The following DBF4B variants were observed in gnomAD, a reference collection of about 807,000 sequenced individuals.
The protein encoded by DBF4B is DBF4B-CDC7 kinase regulatory subunit.
DBF4B carries 49 observed loss-of-function variants against 53.4 expected under a neutral mutation model. That is an observed-to-expected ratio of 0.92 (90% CI 0.73 to 1.16). DBF4B has a LOEUF of 1.16. Ranked by LOEUF, DBF4B falls within the 50% of genes most tolerant of loss-of-function variation. DBF4B has a pLI of 0.00. For missense variants in DBF4B, 692 were observed against 775.0 expected (o/e 0.89, Z 1.27); for synonymous variants, 257 against 288.7 (o/e 0.89, Z 1.11).
chr17:44,720,885 ATC>A (rs1555674572), intron 2 of DBF4B, among the ~76,000 whole-genome samples: 1 of 150,812 alleles, frequency 6.6e-6, no homozygotes, highest in Non-Finnish European at 1.5e-5. Flanking sequence ...TTTTAAGTCA[ATC>A]TCGCTTGGTT....
At position 44,747,527 on chromosome 17, in the gene DBF4B, G is replaced by A. The variant is rs372942845; in HGVS notation, c.1064+12G>A. The A allele has an allele frequency of 1.4e-5, 23 of 1,612,964 alleles. No individual in the cohort carries two copies. Among genetic ancestry groups the A allele is most frequent in the Middle Eastern group, 1.6e-4 (1 of 6,082 alleles). Reference sequence around the variant, plus strand: ...GCTGGCCTCCCCAGGTGAGTGCCACGCTGGCAGGCACAACTGTGTCTGCTC... The same window carrying A: ...GCTGGCCTCCCCAGGTGAGTGCCACACTGGCAGGCACAACTGTGTCTGCTC... On this transcript the variant is annotated intron_variant, in intron 12 of 13. Transcript: ENST00000315005.
At chr17:44,722,789 T>C (rs1973961824) in intron 2 of DBF4B, 91 bp from the exon 3 acceptor site, 4 of 1,435,486 alleles carry the variant, frequency 2.8e-6, no homozygotes, top group African/African-American at 1.4e-5. Flanking sequence ...TGTGCTATTA[T>C]AGCACACAGA....
chr17:44,720,790 G>A (rs937229594), intron 2 of DBF4B, among the ~76,000 whole-genome samples: 3 of 151,726 alleles, frequency 2.0e-5, no homozygotes, highest in African/African-American at 4.8e-5. Context: ...GTGACTGCAC[G>A]ATTCCACATT....
At chr17:44,718,448 A>G (rs1359329700) in intron 2 of DBF4B, among the ~76,000 whole-genome samples, 2 of 151,146 alleles carry the variant, frequency 1.3e-5, no homozygotes, top group South Asian at 2.1e-4. Context: ...AAGGTTACAT[A>G]TTGCCTTTAA....
intron 7 of DBF4B, among the ~76,000 whole-genome samples, chr17:44,735,676 G>GA (rs1046940359): frequency 2.6e-5 from 4 of 151,308 alleles, no homozygotes; most frequent in Admixed American, 6.6e-5. Context: ...TCAAAAAAAA[G>GA]AAAAAAAAAT....
Position 44,749,118 on chromosome 17 carries a change from G to A in DBF4B, c.1189+653G>A, listed in dbSNP as rs1348006843. 16 of 1,289,576 alleles carry A rather than the reference G, an allele frequency of 1.2e-5. No homozygotes were observed. Among genetic ancestry groups the A allele is most frequent in the Non-Finnish European group, 1.5e-5 (15 of 988,806 alleles). The allele number at this position is 1,289,576 out of a possible 1,614,324, so 79.9% of individuals were successfully genotyped here. A position where few individuals can be genotyped will look rare whatever the true frequency, so the allele number is the denominator to read the frequency against. On this transcript the variant is annotated intron_variant, in intron 13 of 13. Transcript: ENST00000315005. This position sits in a 1 kb window ranked among gnomAD's most constrained non-coding sequence, Gnocchi z 4.4. ...CTCCCCTGTACTCAGCTACCAGTGT[G>A]CAGCCCTCGGGAGCACCTGTAGAGA...
At position 44,741,432 on chromosome 17, in the gene DBF4B, G is replaced by A. The variant is rs1976011891; in HGVS notation, c.810G>A (p.Leu270=). The change falls in exon 10 of 14, where the codon CTG becomes CTA. Residue 270 remains leucine, a synonymous_variant. Coordinates refer to ENST00000315005, the MANE Select transcript of DBF4B (RefSeq NM_145663.3). ...DASPFEAPTT[L]GSMHHTRESK... ...GTCCCTTTGAGGCCCCGACGACCCT[G>A]GGCAGCATGCACCATACCAGGTGGG... The A allele has an allele frequency of 6.2e-7, 1 of 1,611,580 alleles. No individual in the cohort carries two copies. Among genetic ancestry groups the A allele is most frequent in the South Asian group, 1.1e-5 (1 of 90,750 alleles).
chr17:44,743,088 C>T (rs923394507), intron 10 of DBF4B, among the ~76,000 whole-genome samples: 2 of 152,156 alleles, frequency 1.3e-5, no homozygotes, highest in Non-Finnish European at 2.9e-5. Context: ...GAGGTTAAGT[C>T]CCAATACAAG....
chr17:44,745,879 T>C (rs1296991419), intron 10 of DBF4B, among the ~76,000 whole-genome samples: 1 of 151,902 alleles, frequency 6.6e-6, no homozygotes. Flanking sequence ...AAATGCCCTT[T>C]GGTTGTTAGA....
chr17:44,729,690 A>G (rs1399452168), intron 3 of DBF4B, among the ~76,000 whole-genome samples: 1 of 78,760 alleles, frequency 1.3e-5, no homozygotes, highest in Non-Finnish European at 3.2e-5. Flanking sequence ...ACATACACAC[A>G]CACACACACA....
rs142562446 is a variant in DBF4B at position 44,750,859 on chromosome 17, C to T, written c.1454C>T (p.Pro485Leu). The change falls in exon 14 of 14, where the codon CCG becomes CTG. Residue 485 changes from proline to leucine, a missense_variant. Pro to Leu is a moderately conservative substitution (Grantham distance 98). This residue lies in a region of DBF4B where 597 missense variants were observed against 665.8 expected (regional missense o/e 0.90). Transcript: ENST00000315005. ...CCCTCCCAAGAAAACTCCTTTGCCC[C>T]GGCGGACATTCCTGTTAAGGGCCCA... ...LHPSQENSFAPADIPVKGPLL... is the reference protein window; with the variant it reads ...LHPSQENSFALADIPVKGPLL... 362 of 1,614,186 alleles carry T rather than the reference C, an allele frequency of 2.2e-4. No homozygotes were observed. Among genetic ancestry groups the T allele is most frequent in the African/African-American group, 6.9e-4 (52 of 75,040 alleles).
chr17:44,746,969 C>G, intron 10 of DBF4B, 114 bp from the exon 11 acceptor site: 1 of 929,944 alleles, frequency 1.1e-6, no homozygotes, highest in Non-Finnish European at 1.7e-6. Flanking sequence ...TGCACAGCCC[C>G]TTGGCCATCT....
intron 2 of DBF4B, among the ~76,000 whole-genome samples, chr17:44,720,918 G>A (rs1973776005): frequency 6.6e-6 from 1 of 151,288 alleles, no homozygotes. Flanking sequence ...GAATGCAGTA[G>A]TGTAATCTTA....
intron 2 of DBF4B, among the ~76,000 whole-genome samples, chr17:44,713,962 A>G (rs1205476618): frequency 1.3e-5 from 2 of 152,078 alleles, no homozygotes; most frequent in Admixed American, 6.6e-5. Context: ...TTTAAATTCT[A>G]TATTTTTTAC....
chr17:44,749,116 G>A lies in DBF4B; in HGVS notation c.1189+651G>A, dbSNP rs1257630370. 7.0e-6 allele frequency: 9 copies of A among 1,289,586 alleles called. No individual in the cohort carries two copies. The highest frequency in any genetic ancestry group is 9.1e-6 in the Non-Finnish European group (9 of 988,826). The allele number at this position is 1,289,586 out of a possible 1,614,324, so 79.9% of individuals were successfully genotyped here. On this transcript the variant is annotated intron_variant, in intron 13 of 13. Coordinates refer to ENST00000315005, the MANE Select transcript of DBF4B (RefSeq NM_145663.3). This position sits in a 1 kb window ranked among gnomAD's most constrained non-coding sequence, Gnocchi z 4.4. ...AGCTCCCCTGTACTCAGCTACCAGT[G>A]TGCAGCCCTCGGGAGCACCTGTAGA... is the stretch of plus-strand genomic sequence containing the variant.
rs1339764734 is a variant in DBF4B at position 44,736,874 on chromosome 17, T to C, written c.667+8T>C. On this transcript the variant is annotated splice_region_variant and intron_variant, in intron 8 of 13. Transcript: ENST00000315005. Reference sequence around the variant, plus strand: ...AGTCAAGAACACGGAAAGGTCAGTGTGGTAGCTTTTCCTCATCTAATTGCA... The same window carrying C: ...AGTCAAGAACACGGAAAGGTCAGTGCGGTAGCTTTTCCTCATCTAATTGCA... The C allele has an allele frequency of 6.2e-7, 1 of 1,613,778 alleles. No individual in the cohort carries two copies. The highest frequency in any genetic ancestry group is 1.3e-5 in the African/African-American group (1 of 74,910).
In DBF4B at chr17:44,751,133, T is replaced by TG; in HGVS notation, c.1729dup (p.Ala577GlyfsTer8). On this transcript the variant is annotated frameshift_variant, in exon 14 of 14. Coordinates refer to ENST00000315005, the MANE Select transcript of DBF4B (RefSeq NM_145663.3). LOFTEE classifies it low-confidence loss of function (END_TRUNC). ...CCCGAACCTCACATCCGTGTACCCTTGCCTTCCCCTCCTATCTCAATGATC... is the reference window on the plus strand; with the variant it reads ...CCCGAACCTCACATCCGTGTACCCTTGGCCTTCCCCTCCTATCTCAATGATC... The TG allele has an allele frequency of 6.2e-7, 1 of 1,614,104 alleles. No homozygotes were observed. The highest frequency in any genetic ancestry group is 8.5e-7 in the Non-Finnish European group (1 of 1,179,976).
At chr17:44,731,265 G>A (rs1225922156) in intron 5 of DBF4B, 5 of 451,388 alleles carry the variant, frequency 1.1e-5, no homozygotes, top group South Asian at 8.5e-5. Context: ...CTGTGGGGAT[G>A]TGGGATGTGG....
At chr17:44,734,250 C>A in intron 7 of DBF4B, 87 bp downstream of exon 7, 1 of 1,522,010 alleles carries the variant, frequency 6.6e-7, no homozygotes. Flanking sequence ...CCCACCCAAA[C>A]CATCTCTTCC....
Sources: allele counts gnomAD v4.1 joint callset (sites outside exome capture counted in the v4.1 genomes callset), GRCh38; gene constraint gnomAD v4.1.1; regional missense constraint gnomAD v4.1.1; non-coding constraint Gnocchi (gnomAD v3.1); transcripts MANE v1.5; gene names NCBI Gene and HGNC (gene_info 2026-07-23, HGNC 2026-07-21).